Variants in ETS1 observed in about 807,000 individuals in gnomAD.
ETS1 encodes the protein ETS proto-oncogene 1, transcription factor.
In ETS1, 15 loss-of-function variants were observed where a neutral mutation model predicts 58.6. The ratio of observed to expected loss-of-function variants is 0.26; its 90% CI spans 0.17 to 0.39. The LOEUF (loss-of-function observed/expected upper bound fraction) is 0.39. Among genes scored for constraint, ETS1 ranks in the 10% least tolerant of loss-of-function variants. ETS1 has a pLI of 1.00. For synonymous variants in ETS1, 214 were observed against 218.2 expected (o/e 0.98, Z 0.17); for missense variants, 417 against 610.5 (o/e 0.68, Z 3.34).
chr11:128,564,153 A>G (rs937167263), intron 2 of ETS1, among the ~76,000 whole-genome samples: 1 of 152,076 alleles, frequency 6.6e-6, no homozygotes. Flanking sequence ...TGCTCCCTTG[A>G]GAGGTAAAAG....
At chr11:128,495,175 G>C (rs546546772) in intron 3 of ETS1, among the ~76,000 whole-genome samples, 25 of 152,266 alleles carry the variant, frequency 1.6e-4, no homozygotes, top group African/African-American at 6.0e-4. Flanking sequence ...TTGACCTAAA[G>C]TCACAAGGCC....
intron 3 of ETS1, among the ~76,000 whole-genome samples, chr11:128,506,850 G>A (rs549575768): frequency 6.6e-6 from 1 of 152,274 alleles, no homozygotes; most frequent in South Asian, 2.1e-4. Context: ...ACAGGTTCTA[G>A]GAGACGAACA....
At chr11:128,508,301 T>C (rs1863297209) in intron 3 of ETS1, among the ~76,000 whole-genome samples, 2 of 152,358 alleles carry the variant, frequency 1.3e-5, no homozygotes, top group East Asian at 3.9e-4. Flanking sequence ...ATAAAAGTTT[T>C]CACAGGAATT....
intron 2 of ETS1, among the ~76,000 whole-genome samples, chr11:128,568,401 C>T (rs1864550275): frequency 6.6e-6 from 1 of 152,194 alleles, no homozygotes; most frequent in Non-Finnish European, 1.5e-5. Flanking sequence ...AAGGGACTTC[C>T]AGGCTCACAG....
At chr11:128,504,245 T>G (rs1490071726) in intron 3 of ETS1, among the ~76,000 whole-genome samples, 1 of 152,238 alleles carries the variant, frequency 6.6e-6, no homozygotes, top group Non-Finnish European at 1.5e-5. Context: ...CCTCTATATC[T>G]CTTTGGCTTT....
In ETS1 at chr11:128,464,711, C is replaced by T. The variant is rs940862344; in HGVS notation, c.1124-1084G>A. Among the ~76,000 whole-genome samples, 1 of 152,120 alleles carries T rather than the reference C, an allele frequency of 6.6e-6. No homozygotes were observed. Among genetic ancestry groups the T allele is most frequent in the South Asian group, 2.1e-4 (1 of 4,812 alleles). On this transcript the variant is annotated intron_variant, in intron 8 of 9. Coordinates refer to ENST00000392668, the MANE Select transcript of ETS1 (RefSeq NM_001143820.2). This position sits in a 1 kb window ranked among gnomAD's most constrained non-coding sequence, Gnocchi z 4.1. Reference sequence around the variant, plus strand: ...GCTCACTAAGGCTCTAATTTTTCACCGGAGTTGCAAATTTGTCTGATCCAA... The same window carrying T: ...GCTCACTAAGGCTCTAATTTTTCACTGGAGTTGCAAATTTGTCTGATCCAA...
intron 3 of ETS1, among the ~76,000 whole-genome samples, chr11:128,541,585 G>A (rs533509714): frequency 6.6e-6 from 1 of 152,270 alleles, no homozygotes; most frequent in East Asian, 1.9e-4. Flanking sequence ...CCAAATTACT[G>A]CAAAGTTTGT....
At chr11:128,488,813 A>T (rs1428318447) in intron 5 of ETS1, among the ~76,000 whole-genome samples, 2 of 152,172 alleles carry the variant, frequency 1.3e-5, no homozygotes, top group Admixed American at 1.3e-4. Flanking sequence ...ATTCCAATTC[A>T]GTTAGTGGGC....
chr11:128,508,135 G>T (rs2135494310), intron 3 of ETS1, among the ~76,000 whole-genome samples: 1 of 152,266 alleles, frequency 6.6e-6, no homozygotes, highest in African/African-American at 2.4e-5. Flanking sequence ...TGGTTATGGA[G>T]GTGTCAAGTG....
At chr11:128,513,468 T>A (rs1863442035) in intron 3 of ETS1, among the ~76,000 whole-genome samples, 1 of 152,238 alleles carries the variant, frequency 6.6e-6, no homozygotes, top group Admixed American at 6.5e-5. Context: ...GCCCACATTC[T>A]CCTCACAGAG....
At chr11:128,523,285 C>T (rs1021192109) in intron 3 of ETS1, among the ~76,000 whole-genome samples, 1 of 152,216 alleles carries the variant, frequency 6.6e-6, no homozygotes, top group African/African-American at 2.4e-5. Context: ...GAACCCCCAA[C>T]ACTAGAGATA....
chr11:128,535,929 A>G (rs1863966550), intron 3 of ETS1, among the ~76,000 whole-genome samples: 2 of 152,224 alleles, frequency 1.3e-5, no homozygotes, highest in African/African-American at 4.8e-5. Context: ...GCAAGCAAAC[A>G]TTGTCATTCA....
intron 6 of ETS1, among the ~76,000 whole-genome samples, 168 bp downstream of exon 6, chr11:128,485,901 C>A (rs1265044550): frequency 1.3e-5 from 2 of 152,024 alleles, no homozygotes; most frequent in African/African-American, 4.8e-5. Flanking sequence ...TAGGTTGAAA[C>A]TTTGTGCTTT....
At chr11:128,562,277 T>C (rs918176211) in intron 2 of ETS1, among the ~76,000 whole-genome samples, 7 of 152,076 alleles carry the variant, frequency 4.6e-5, no homozygotes, top group Non-Finnish European at 8.8e-5. Flanking sequence ...GGCGTGGTGG[T>C]AGGCACCTGT....
intron 6 of ETS1, among the ~76,000 whole-genome samples, chr11:128,485,548 C>A (rs1862606038): frequency 6.6e-6 from 1 of 152,188 alleles, no homozygotes; most frequent in South Asian, 2.1e-4. Flanking sequence ...GTGCAACAGG[C>A]CTACATTCAT....
intron 3 of ETS1, among the ~76,000 whole-genome samples, chr11:128,502,087 T>C (rs1359559485): frequency 6.6e-6 from 1 of 152,138 alleles, no homozygotes; most frequent in Non-Finnish European, 1.5e-5. Context: ...TAGAGAACAA[T>C]GGCTACAGAC....
At chr11:128,555,629 CA>C (rs796547061) in intron 3 of ETS1, among the ~76,000 whole-genome samples, 5 of 144,784 alleles carry the variant, frequency 3.5e-5, no homozygotes, top group South Asian at 2.2e-4. Flanking sequence ...ACAAAACAAA[CA>C]AAAAAAAAAC....
chr11:128,581,936 T>G lies in ETS1; in HGVS notation c.-15+5552A>C, dbSNP rs1864878682. Among the ~76,000 whole-genome samples, 3 of 152,198 alleles carry G rather than the reference T, an allele frequency of 2.0e-5. No homozygotes were observed. In the South Asian group the frequency reaches 6.2e-4, roughly 31 times the overall value. On this transcript the variant is annotated intron_variant, in intron 1 of 9. Coordinates refer to ENST00000392668, the MANE Select transcript of ETS1 (RefSeq NM_001143820.2). The stretch of plus-strand genomic sequence containing the variant: ...GCCCCTTTAAAATTGAACTAAAAGA[T>G]ACCAGCTGCCTTAGATCTCTCAAAT...
intron 7 of ETS1, among the ~76,000 whole-genome samples, chr11:128,481,913 AC>A (rs1365986222): frequency 2.2e-4 from 33 of 151,992 alleles, no homozygotes; most frequent in Admixed American, 7.2e-4. Flanking sequence ...CTACATCCTG[AC>A]CCCCTCTGGA....
Sources: allele counts gnomAD v4.1 joint callset (sites outside exome capture counted in the v4.1 genomes callset), GRCh38; gene constraint gnomAD v4.1.1; non-coding constraint Gnocchi (gnomAD v3.1); transcripts MANE v1.5; gene names NCBI Gene and HGNC (gene_info 2026-07-23, HGNC 2026-07-21).